Variants in TMEM67 observed in about 807,000 individuals in gnomAD.
The protein encoded by TMEM67 is transmembrane protein 67, also known as meckelin.
Under a neutral mutation model 136.6 loss-of-function variants are expected in TMEM67, and 124 were observed. That is an observed-to-expected ratio of 0.91 (90% CI 0.78 to 1.05). The LOEUF (loss-of-function observed/expected upper bound fraction) is 1.05. TMEM67 is among the 50% of genes least tolerant of loss of function. TMEM67 has a pLI of 0.00. For missense variants in TMEM67, 1,107 were observed against 1,178.4 expected, an observed-to-expected ratio of 0.94 and a Z score of 0.89; for synonymous variants, 364 against 390.5, an observed-to-expected ratio of 0.93 and a Z score of 0.80.
In TMEM67 at chr8:93,799,730, C is replaced by T; in HGVS notation, c.2213C>T (p.Ala738Val). ...SCILRYAVSA[A>V]LWLAIGIIQV... ...ATTTTGAGATATGCAGTGTCTGCTG[C>T]TCTTTGGCTAGCCATTGGAATTATA... Residue 738 changes from alanine (A) to valine (V), a missense_variant, in exon 21 of 28, where the codon GCT becomes GTT. Physicochemically the swap from Ala to Val is moderately conservative, Grantham distance 64 (BLOSUM62 0). This residue lies in a region of TMEM67 where 925 missense variants were observed against 1,002.4 expected (regional missense o/e 0.92). Coordinates refer to ENST00000453321, the MANE Select transcript of TMEM67 (RefSeq NM_153704.6). 1 of 1,613,774 alleles carries T rather than the reference C, an allele frequency of 6.2e-7. No individual in the cohort carries two copies. The highest frequency in any genetic ancestry group is 1.3e-5 in the African/African-American group (1 of 75,002).
Position 93,787,827 on chromosome 8 carries a change from C to A in TMEM67, c.1413-17C>A. ...CCGGATATACTGATTACTATAAATG[C>A]ATTTTCTTTTAAATAGTGTCCACCT... is the stretch of plus-strand genomic sequence containing the variant. On this transcript the variant is annotated splice_polypyrimidine_tract_variant and intron_variant, in intron 13 of 27. Transcript: ENST00000453321. 2 of 1,567,884 alleles carry A rather than the reference C, an allele frequency of 1.3e-6. No individual in the cohort carries two copies. Among genetic ancestry groups the A allele is most frequent in the Non-Finnish European group, 1.8e-6 (2 of 1,138,000 alleles).
At chr8:93,760,048 A>AT in intron 3 of TMEM67, 2 of 1,314,054 alleles carry the variant, frequency 1.5e-6, no homozygotes. Context: ...TGCATTCTTT[A>AT]TTTTTGGATG....
chr8:93,808,816 A>T (rs759815183), intron 23 of TMEM67, 24 bp from the exon 24 acceptor site: 2 of 1,453,718 alleles, frequency 1.4e-6, no homozygotes, highest in Admixed American at 3.4e-5. Context: ...TTTTGATCTT[A>T]ACTTAAATTC....
chr8:93,831,262 G>T, the TMEM67 span, among the ~76,000 whole-genome samples: 1 of 152,194 alleles, frequency 6.6e-6, no homozygotes, highest in Admixed American at 6.5e-5. Context: ...AAGACAGGGG[G>T]CCTGGAGAAT....
chr8:93,758,357 T>C, intron 2 of TMEM67, 126 bp from the exon 3 acceptor site: 1 of 700,468 alleles, frequency 1.4e-6, no homozygotes, highest in Non-Finnish European at 2.4e-6. Context: ...TTTATGTGGC[T>C]CATATATGTA....
chr8:93,768,359 C>CTT (rs944288109), intron 6 of TMEM67, among the ~76,000 whole-genome samples: 6 of 152,002 alleles, frequency 3.9e-5, no homozygotes, highest in African/African-American at 1.4e-4. Flanking sequence ...CACCTGTAAT[C>CTT]ACAGCACTTT....
At chr8:93,815,574 T>C (rs1808875093) in intron 27 of TMEM67, 127 bp downstream of exon 27, 10 of 839,180 alleles carry the variant, frequency 1.2e-5, no homozygotes, top group African/African-American at 1.7e-5. Flanking sequence ...GTTTAGAATA[T>C]GACTAACCCC....
chr8:93,819,132 C>G (rs1429551125), downstream of TMEM67: 1 of 453,084 alleles, frequency 2.2e-6, no homozygotes, highest in African/African-American at 2.0e-5. Context: ...GTGCTTTTAA[C>G]ATTGAGTAAA....
At chr8:93,799,560 T>C in intron 20 of TMEM67, 58 bp from the exon 21 acceptor site, 1 of 1,572,184 alleles carries the variant, frequency 6.4e-7, no homozygotes. Flanking sequence ...GTTTTCAGTC[T>C]AGAGTAGTTT....
chr8:93,758,338 C>T (rs1017629090), intron 2 of TMEM67, 145 bp from the exon 3 acceptor site: 1 of 624,854 alleles, frequency 1.6e-6, no homozygotes, highest in Non-Finnish European at 2.8e-6. Flanking sequence ...ATTATCTCTC[C>T]AGGGAATTTT....
At chr8:93,823,476 C>A (rs982979818), downstream of TMEM67, among the ~76,000 whole-genome samples, 1 of 151,632 alleles carries the variant, frequency 6.6e-6, no homozygotes, top group African/African-American at 2.4e-5. Flanking sequence ...CACTATCTAT[C>A]TGTAGGGTAC....
In TMEM67 at chr8:93,772,580, T is replaced by C. The variant is rs1813372703; in HGVS notation, c.652-9T>C. On this transcript the variant is annotated splice_polypyrimidine_tract_variant and intron_variant, in intron 6 of 27. Transcript: ENST00000453321. ...AACTTAAAAATAAAATGTATCTTTT[T>C]GTTTACAGGGCATGTCTTTAACTTC... The C allele has an allele frequency of 6.2e-7, 1 of 1,608,626 alleles. No individual in the cohort carries two copies. The highest frequency in any genetic ancestry group is 1.3e-5 in the African/African-American group (1 of 74,962).
At chr8:93,775,869 GT>G (rs1194445744) in intron 7 of TMEM67, among the ~76,000 whole-genome samples, 1 of 152,246 alleles carries the variant, frequency 6.6e-6, no homozygotes, top group South Asian at 2.1e-4. Flanking sequence ...CTTTACAGTA[GT>G]TTTTTCCAAT....
At chr8:93,820,662 G>A (rs1472399123), downstream of TMEM67, among the ~76,000 whole-genome samples, 1 of 152,140 alleles carries the variant, frequency 6.6e-6, no homozygotes, top group Non-Finnish European at 1.5e-5. Context: ...AGACTTATTG[G>A]GAAGATTAAA....
At chr8:93,824,332 G>A in the TMEM67 span, among the ~76,000 whole-genome samples, 1 of 152,124 alleles carries the variant, frequency 6.6e-6, no homozygotes, top group East Asian at 1.9e-4. Context: ...GCACAACAAT[G>A]CCAGCTGCCA....
downstream of TMEM67, among the ~76,000 whole-genome samples, chr8:93,818,454 T>C (rs1475793152): frequency 1.3e-5 from 2 of 152,200 alleles, no homozygotes; most frequent in African/African-American, 4.8e-5. Flanking sequence ...CCTAACTGCC[T>C]TTTCAGAAGG....
chr8:93,808,780 T>C (rs759649580), intron 23 of TMEM67, 60 bp from the exon 24 acceptor site: 4 of 1,106,078 alleles, frequency 3.6e-6, no homozygotes, highest in Non-Finnish European at 5.6e-6. Context: ...CTGTATTTTC[T>C]TTTTGAGGCA....
chr8:93,755,775 T>TTTTTTGA lies in TMEM67; in HGVS notation c.224-3_224-2insTTTTTGA. On this transcript the variant is annotated splice_polypyrimidine_tract_variant and splice_region_variant and intron_variant, in intron 1 of 27. Transcript: ENST00000453321. Reference sequence around the variant, plus strand: ...GCTTTTTTTTTTTTTTTTTTTTTTTTAGGAACTTCATGTGTATGTCTACCA... The same window carrying TTTTTTGA: ...GCTTTTTTTTTTTTTTTTTTTTTTTTTTTTTGAAGGAACTTCATGTGTATGTCTACCA... 7.8e-7 allele frequency: 1 copy of TTTTTTGA among 1,281,726 alleles called. No individual in the cohort carries two copies. Among genetic ancestry groups the TTTTTTGA allele is most frequent in the Non-Finnish European group, 1.1e-6 (1 of 917,216 alleles). 79.4% of individuals were successfully genotyped at this position (1,281,726 alleles called of 1,614,324 possible). A position where few individuals can be genotyped will look rare whatever the true frequency, so the allele number is the denominator to read the frequency against.
Position 93,808,849 on chromosome 8 carries a change from T to C in TMEM67, c.2449T>C (p.Cys817Arg). ...TTCTTTAACTTTTCAGGAAAATTTG[T>C]GTAGCCAGAGAGGTTTGGTACCCAA... ...MNLKREAENL[C>R]SQRGLVPNTD... Residue 817 changes from cysteine to arginine, a missense_variant, in exon 24 of 28, where the codon TGT (cysteine) becomes CGT (arginine). By Grantham distance (180) the Cys-to-Arg change is radical. Transcript: ENST00000453321. The C allele has an allele frequency of 6.2e-7, 1 of 1,606,384 alleles. No homozygotes were observed. Among genetic ancestry groups the C allele is most frequent in the East Asian group, 2.2e-5 (1 of 44,724 alleles).
Sources: allele counts gnomAD v4.1 joint callset (sites outside exome capture counted in the v4.1 genomes callset), GRCh38; gene constraint gnomAD v4.1.1; regional missense constraint gnomAD v4.1.1; transcripts MANE v1.5; gene names NCBI Gene and HGNC (gene_info 2026-07-23, HGNC 2026-07-21).